Variants in NSUN7 observed in about 807,000 individuals in gnomAD.
NSUN7 encodes protein NSUN7.
Under a neutral mutation model 58.5 loss-of-function variants are expected in NSUN7, and 39 were observed. The observed-to-expected ratio is 0.67, with a 90% CI of 0.52 to 0.87. NSUN7 has a LOEUF of 0.87. NSUN7 is among the 40% of genes least tolerant of loss of function. The pLI, the probability that NSUN7 is intolerant of heterozygous loss-of-function variation, is 0.00. For missense variants in NSUN7, 765 were observed against 844.1 expected, an observed-to-expected ratio of 0.91 and a Z score of 1.16; for synonymous variants, 278 against 303.7, an observed-to-expected ratio of 0.92 and a Z score of 0.88.
At chr4:40,753,743 C>T (rs1740956730) in intron 2 of NSUN7, among the ~76,000 whole-genome samples, 1 of 152,002 alleles carries the variant, frequency 6.6e-6, no homozygotes, top group African/African-American at 2.4e-5. Flanking sequence ...CTTGAATTCC[C>T]ACGTATTGTG....
chr4:40,780,489 C>T (rs554678526), intron 7 of NSUN7, among the ~76,000 whole-genome samples: 12 of 151,620 alleles, frequency 7.9e-5, no homozygotes, highest in African/African-American at 2.7e-4. Context: ...CACCTGTGGT[C>T]CCAGCTACTC....
At chr4:40,774,540 A>T in intron 5 of NSUN7, 123 bp downstream of exon 5, 3 of 960,982 alleles carry the variant, frequency 3.1e-6, no homozygotes, top group African/African-American at 1.7e-5. Context: ...AGGGAATCAG[A>T]GTTAAGTTCC....
intron 10 of NSUN7, among the ~76,000 whole-genome samples, chr4:40,801,744 C>T (rs560861752): frequency 3.0e-4 from 46 of 151,586 alleles, no homozygotes; most frequent in African/African-American, 1.0e-3. Context: ...CAAAAAAATA[C>T]AAAAATTAGC....
chr4:40,776,337 G>GT lies in NSUN7; in HGVS notation c.1036+85dup, dbSNP rs1290399054. The GT allele has an allele frequency of 1.3e-5, 13 of 1,012,010 alleles. 1 individual carries two copies. The East Asian group carries it at 2.7e-4, about 21-fold the overall frequency. 62.7% of individuals were successfully genotyped at this position (1,012,010 alleles called of 1,614,324 possible). On this transcript the variant is annotated intron_variant, in intron 7 of 11. Transcript: ENST00000381782. Reference sequence around the variant, plus strand: ...AACGTTAAAAAGTTTTAATTTATTAGTTTTTTTGTAATGTAAAAGCTCTAT... The same window carrying GT: ...AACGTTAAAAAGTTTTAATTTATTAGTTTTTTTTGTAATGTAAAAGCTCTAT...
At chr4:40,790,136 C>T (rs1037499048) in intron 7 of NSUN7, among the ~76,000 whole-genome samples, 1 of 140,070 alleles carries the variant, frequency 7.1e-6, no homozygotes, top group African/African-American at 2.7e-5. Flanking sequence ...GGGAAATAAC[C>T]AATATTGAGC....
At chr4:40,759,691 A>G (rs1185060087) in intron 2 of NSUN7, among the ~76,000 whole-genome samples, 3 of 152,250 alleles carry the variant, frequency 2.0e-5, no homozygotes, top group Admixed American at 1.3e-4. Context: ...TTACAAGAAA[A>G]GAAAATTATA....
chr4:40,757,702 T>C (rs1267156804), intron 2 of NSUN7, among the ~76,000 whole-genome samples: 1 of 126,432 alleles, frequency 7.9e-6, no homozygotes, highest in Non-Finnish European at 1.7e-5. Context: ...TGTATATATA[T>C]ACATTGTGTG....
intron 11 of NSUN7, among the ~76,000 whole-genome samples, chr4:40,808,029 C>CAAAAA (rs397878278): frequency 8.3e-5 from 5 of 60,154 alleles, no homozygotes; most frequent in East Asian, 6.3e-4. Flanking sequence ...GACTCCATCT[C>CAAAAA]AAAAAAAAAA....
intron 7 of NSUN7, among the ~76,000 whole-genome samples, chr4:40,787,142 C>T (rs2154288415): frequency 6.7e-6 from 1 of 149,824 alleles, no homozygotes; most frequent in East Asian, 2.0e-4. Context: ...CTTAACAAAA[C>T]CAAAAAGTGA....
intron 4 of NSUN7, among the ~76,000 whole-genome samples, chr4:40,763,007 G>A (rs558655877): frequency 6.6e-6 from 1 of 151,280 alleles, no homozygotes; most frequent in Non-Finnish European, 1.5e-5. Context: ...TGTCTTCCAC[G>A]AAACTGGTCC....
intron 5 of NSUN7, 51 bp from the exon 6 acceptor site, chr4:40,774,716 G>A (rs577678056): frequency 1.3e-5 from 15 of 1,157,304 alleles, no homozygotes; most frequent in East Asian, 7.3e-5. Context: ...TGTTAAGGAC[G>A]TTTTTAATGT....
chr4:40,796,792 A>T (rs552600661), intron 9 of NSUN7, among the ~76,000 whole-genome samples: 54 of 151,874 alleles, frequency 3.6e-4, no homozygotes, highest in Non-Finnish European at 7.1e-4. Flanking sequence ...CACATCTCTC[A>T]CTCTGTGCTC....
intron 10 of NSUN7, among the ~76,000 whole-genome samples, chr4:40,806,659 G>GT (rs1390195455): frequency 1.3e-5 from 2 of 152,136 alleles, no homozygotes; most frequent in Middle Eastern, 3.4e-3. Context: ...AAAAGAAAAC[G>GT]TTTTCTCCTT....
At chr4:40,753,446 T>C (rs1740938764) in intron 2 of NSUN7, among the ~76,000 whole-genome samples, 1 of 152,044 alleles carries the variant, frequency 6.6e-6, no homozygotes. Flanking sequence ...GCTAATTTTT[T>C]ATTTTTAGTA....
At chr4:40,760,559 C>G in intron 3 of NSUN7, 67 bp downstream of exon 3, 1 of 1,322,648 alleles carries the variant, frequency 7.6e-7, no homozygotes, top group Non-Finnish European at 1.1e-6. Flanking sequence ...TGTTTAAAAG[C>G]CTTTAGATTT....
Position 40,787,897 on chromosome 4 carries a change from C to T in NSUN7, c.1037-2705C>T, listed in dbSNP as rs923853674. Among the ~76,000 whole-genome samples, 11 of 152,254 alleles carry T rather than the reference C, an allele frequency of 7.2e-5. No homozygotes were observed. In the East Asian group the frequency reaches 1.5e-3, roughly 21 times the overall value. On this transcript the variant is annotated intron_variant, in intron 7 of 11. Transcript: ENST00000381782. ...CCCAGACGACTAGAGTGCAGTAGCA[C>T]GATCTTGGCTCACTGCAACCTCCAC...
chr4:40,770,621 A>C (rs1210232363), intron 4 of NSUN7, among the ~76,000 whole-genome samples: 1 of 152,266 alleles, frequency 6.6e-6, no homozygotes, highest in East Asian at 1.9e-4. Flanking sequence ...TATGTTAGAC[A>C]TTAGTAATGC....
Position 40,757,902 on chromosome 4 carries a change from T to TTTTGTTTGTTTGTTTG in NSUN7, c.299-2516_299-2501dup, listed in dbSNP as rs71198603. Among the ~76,000 whole-genome samples, 274 of 148,608 alleles carry TTTTGTTTGTTTGTTTG rather than the reference T, an allele frequency of 1.8e-3. 3 individuals carry two copies. Among genetic ancestry groups the TTTTGTTTGTTTGTTTG allele is most frequent in the South Asian group, 5.2e-3 (24 of 4,638 alleles). Reference sequence around the variant, plus strand: ...TTCATCCTGCCTCTCCTATTCCTGTTTTTGTTTGTTTGTTTGTTTGTTTGT... The same window carrying TTTTGTTTGTTTGTTTG: ...TTCATCCTGCCTCTCCTATTCCTGTTTTTGTTTGTTTGTTTGTTTGTTTGTTTGTTTGTTTGTTTGT... On this transcript the variant is annotated intron_variant, in intron 2 of 11. Coordinates refer to ENST00000381782, the MANE Select transcript of NSUN7 (RefSeq NM_024677.6).
rs2437331 is a variant in NSUN7, at chr4:40,755,016, G to A, written c.298+4025G>A. Among the ~76,000 whole-genome samples the A allele has an allele frequency of 7.8e-3, 1,186 of 152,258 alleles. 9 individuals are homozygous for A. The highest frequency in any genetic ancestry group is 0.027 in the African/African-American group (1,115 of 41,560). ...ACCCCAAGGTCAATTTTCTGCTAAC[G>A]AAGGTAGAATTACTAATGAAAAGTT... On this transcript the variant is annotated intron_variant, in intron 2 of 11. Coordinates refer to ENST00000381782, the MANE Select transcript of NSUN7 (RefSeq NM_024677.6).
Sources: allele counts gnomAD v4.1 joint callset (sites outside exome capture counted in the v4.1 genomes callset), GRCh38; gene constraint gnomAD v4.1.1; transcripts MANE v1.5; gene names NCBI Gene and HGNC (gene_info 2026-07-23, HGNC 2026-07-21).